The following SLC22A24 variants were observed in gnomAD, a reference collection of about 807,000 sequenced individuals.
SLC22A24 encodes the protein steroid transmembrane transporter SLC22A24.
In SLC22A24, 53 loss-of-function variants were observed where a neutral mutation model predicts 49.8. That is an observed-to-expected ratio of 1.06 (90% CI 0.85 to 1.34). The LOEUF is 1.34. Ranked by LOEUF, SLC22A24 falls within the 40% of genes most tolerant of loss-of-function variation. SLC22A24 has a pLI of 0.00. For missense variants in SLC22A24, 786 were observed against 675.9 expected (o/e 1.16, Z -1.81); for synonymous variants, 302 against 256.4 (o/e 1.18, Z -1.70).
intron 2 of SLC22A24, among the ~76,000 whole-genome samples, chr11:63,127,491 C>G (rs925865740): frequency 6.6e-6 from 1 of 152,108 alleles, no homozygotes; most frequent in African/African-American, 2.4e-5. Flanking sequence ...TGGGTATATA[C>G]CCAGGAATGT....
At chr11:63,133,340 A>G (rs2087350409) in intron 2 of SLC22A24, among the ~76,000 whole-genome samples, 1 of 152,154 alleles carries the variant, frequency 6.6e-6, no homozygotes, top group Non-Finnish European at 1.5e-5. Flanking sequence ...ACCAGTCCCA[A>G]TGAGATGAAC....
At chr11:63,095,060 C>T (rs1028506644) in intron 6 of SLC22A24, among the ~76,000 whole-genome samples, 3 of 152,128 alleles carry the variant, frequency 2.0e-5, no homozygotes, top group Admixed American at 1.3e-4. Context: ...CTTGCCCATG[C>T]GTATGTCCTG....
intron 6 of SLC22A24, among the ~76,000 whole-genome samples, chr11:63,084,938 ATTTT>A (rs35160977): frequency 3.4e-5 from 5 of 146,562 alleles, no homozygotes; most frequent in African/African-American, 1.0e-4. Flanking sequence ...AGAGGATGGG[ATTTT>A]TTTTTTTTTT....
chr11:63,095,329 A>C lies in SLC22A24; in HGVS notation c.1070+662T>G, dbSNP rs1027695889. Among the ~76,000 whole-genome samples, 3 of 152,188 alleles carry C rather than the reference A, an allele frequency of 2.0e-5. No homozygotes were observed. The East Asian group carries it at 5.8e-4, about 29-fold the overall frequency. ...ACAAGTGGAAAAAAATCCAAAACCC[A>C]TGAACACCAGAATAGACAGATAACT... is the stretch of plus-strand genomic sequence containing the variant. On this transcript the variant is annotated intron_variant, in intron 6 of 9. Coordinates refer to ENST00000612278, the MANE Select transcript of SLC22A24 (RefSeq NM_001136506.2).
intron 5 of SLC22A24, among the ~76,000 whole-genome samples, chr11:63,102,904 C>T (rs1289596573): frequency 6.6e-6 from 1 of 152,094 alleles, no homozygotes; most frequent in Non-Finnish European, 1.5e-5. Context: ...TTCCATGCTG[C>T]TATCATTATT....
intron 5 of SLC22A24, among the ~76,000 whole-genome samples, chr11:63,101,825 A>G (rs1418299042): frequency 6.6e-6 from 1 of 152,144 alleles, no homozygotes; most frequent in African/African-American, 2.4e-5. Context: ...TAAGTGAAAT[A>G]AGCCGGACAC....
intron 6 of SLC22A24, among the ~76,000 whole-genome samples, chr11:63,094,598 C>G (rs762683547): frequency 5.3e-5 from 8 of 152,200 alleles, no homozygotes; most frequent in Non-Finnish European, 7.3e-5. Flanking sequence ...GTCCCACCAA[C>G]AGTGTGAAAG....
At chr11:63,087,062 G>GGAGAGAGA (rs139630125) in intron 6 of SLC22A24, among the ~76,000 whole-genome samples, 3 of 137,066 alleles carry the variant, frequency 2.2e-5, no homozygotes, top group East Asian at 2.2e-4. Flanking sequence ...ACACACAGAG[G>GGAGAGAGA]GAGAGAGAGA....
At chr11:63,092,661 C>A (rs1057427040) in intron 6 of SLC22A24, among the ~76,000 whole-genome samples, 2 of 148,548 alleles carry the variant, frequency 1.3e-5, no homozygotes, top group Non-Finnish European at 3.0e-5. Flanking sequence ...GAAACTGGAC[C>A]CCTTTCCTAC....
chr11:63,138,052 G>T (rs909270131), intron 1 of SLC22A24, among the ~76,000 whole-genome samples: 2 of 152,170 alleles, frequency 1.3e-5, no homozygotes, highest in Non-Finnish European at 2.9e-5. Flanking sequence ...TTGTCTTTCT[G>T]TGTTCTGTAA....
intron 5 of SLC22A24, among the ~76,000 whole-genome samples, chr11:63,100,829 C>A (rs4963360): frequency 0.26 from 39,612 of 151,938 alleles, 5,454 homozygotes; most frequent in East Asian, 0.36. Context: ...ATAAATGGTG[C>A]TGAGAAAACT....
intron 2 of SLC22A24, among the ~76,000 whole-genome samples, chr11:63,129,076 C>A (rs1273505203): frequency 2.0e-5 from 3 of 152,140 alleles, no homozygotes; most frequent in Non-Finnish European, 4.4e-5. Flanking sequence ...AATGGTACTG[C>A]CTAGGTTTTC....
chr11:63,108,953 G>A (rs568026040), intron 4 of SLC22A24, among the ~76,000 whole-genome samples: 5,244 of 139,474 alleles, frequency 0.038, 135 homozygotes, highest in Non-Finnish European at 0.06. Context: ...CCACTAACTC[G>A]TCATCTAGCA....
chr11:63,143,855 C>T lies in SLC22A24; in HGVS notation c.-76G>A, dbSNP rs2087434296. ...GAAGTTCAGAGGGAGAAAATGTCCC[C>T]TTTCACAAAGTTACCATAGTGCCAT... On this transcript the variant is annotated 5_prime_UTR_variant, in exon 1 of 10. Transcript: ENST00000612278. The T allele has an allele frequency of 8.1e-7, 1 of 1,228,052 alleles. No homozygotes were observed. The highest frequency in any genetic ancestry group is 3.1e-5 in the East Asian group (1 of 32,156). 76.1% of individuals were successfully genotyped at this position (1,228,052 alleles called of 1,614,324 possible). A position where few individuals can be genotyped will look rare whatever the true frequency, so the allele number is the denominator to read the frequency against.
At chr11:63,104,009 T>C (rs960146702) in intron 5 of SLC22A24, 166 bp downstream of exon 5, 2 of 590,190 alleles carry the variant, frequency 3.4e-6, no homozygotes, top group Non-Finnish European at 5.5e-6. Context: ...TCAATATCTA[T>C]ATCCAAATCT....
intron 2 of SLC22A24, among the ~76,000 whole-genome samples, chr11:63,124,888 G>T (rs2134672044): frequency 6.6e-6 from 1 of 151,542 alleles, no homozygotes; most frequent in Non-Finnish European, 1.5e-5. Flanking sequence ...TCACTCATAG[G>T]TGGGAATTGA....
At chr11:63,142,987 C>T (rs1377471626) in intron 1 of SLC22A24, among the ~76,000 whole-genome samples, 2 of 152,198 alleles carry the variant, frequency 1.3e-5, no homozygotes, top group East Asian at 1.9e-4. Context: ...GAAACACTTT[C>T]ACAACCAGCA....
chr11:63,108,086 T>C (rs1432861322), intron 4 of SLC22A24, among the ~76,000 whole-genome samples: 1 of 152,166 alleles, frequency 6.6e-6, no homozygotes, highest in African/African-American at 2.4e-5. Context: ...TAAATAACTC[T>C]TATTATTTTG....
intron 4 of SLC22A24, among the ~76,000 whole-genome samples, chr11:63,113,853 C>CA (rs376625916): frequency 0.19 from 19,407 of 99,826 alleles, 1,679 homozygotes; most frequent in Middle Eastern, 0.28. Flanking sequence ...GACTCCATCT[C>CA]AAAAAAAAAA....
Sources: gnomAD v4.1 joint callset for allele counts (sites outside exome capture counted in the v4.1 genomes callset) on GRCh38, gnomAD v4.1.1 for gene constraint, MANE v1.5 for transcripts, NCBI Gene and HGNC (gene_info 2026-07-23, HGNC 2026-07-21) for gene names.